PDE11A: variants seen among roughly 807,000 people sequenced by gnomAD.
PDE11A encodes the protein phosphodiesterase 11A, also known as dual 3',5'-cyclic-AMP and -GMP phosphodiesterase 11A.
Under a neutral mutation model 100.5 loss-of-function variants are expected in PDE11A, and 100 were observed. The observed-to-expected ratio is 1.00, with a 90% CI of 0.85 to 1.18. The LOEUF is 1.18. Among genes scored for constraint, PDE11A ranks in the 50% most tolerant of loss-of-function variants. PDE11A has a pLI of 0.00. For missense variants in PDE11A, 1,141 were observed against 1,152.6 expected (o/e 0.99, Z 0.15); for synonymous variants, 381 against 420.8 (o/e 0.91, Z 1.16).
chr2:177,964,467 T>C (rs2085673720), intron 2 of PDE11A, among the ~76,000 whole-genome samples: 2 of 152,130 alleles, frequency 1.3e-5, no homozygotes, highest in African/African-American at 2.4e-5. Context: ...GGGTTTGTTG[T>C]ACCGGTTATT....
chr2:178,054,519 G>C (rs1373969100), intron 1 of PDE11A, among the ~76,000 whole-genome samples: 2 of 152,160 alleles, frequency 1.3e-5, no homozygotes, highest in African/African-American at 4.8e-5. Context: ...AAACTAAAGA[G>C]CTTCTGCACA....
chr2:178,002,647 A>G (rs1032619965), intron 2 of PDE11A, among the ~76,000 whole-genome samples: 6 of 152,184 alleles, frequency 3.9e-5, no homozygotes, highest in African/African-American at 1.4e-4. Flanking sequence ...GCATCATGCT[A>G]GTGTTTATTT....
chr2:177,798,313 C>T (rs2082733867), intron 9 of PDE11A, among the ~76,000 whole-genome samples: 1 of 152,208 alleles, frequency 6.6e-6, no homozygotes, highest in African/African-American at 2.4e-5. Flanking sequence ...AGTAATCATA[C>T]TTTCATTTAT....
intron 1 of PDE11A, among the ~76,000 whole-genome samples, chr2:178,066,965 T>C (rs2087054941): frequency 6.6e-6 from 1 of 152,066 alleles, no homozygotes. Context: ...CCACAGATTA[T>C]GTAGCTGGCC....
chr2:177,749,834 A>G (rs2082003105), intron 10 of PDE11A, among the ~76,000 whole-genome samples: 1 of 152,208 alleles, frequency 6.6e-6, no homozygotes, highest in Non-Finnish European at 1.5e-5. Flanking sequence ...TCATGGTTAT[A>G]TATTACCAAC....
chr2:177,673,987 C>T (rs1248540385), intron 17 of PDE11A, among the ~76,000 whole-genome samples: 8 of 152,124 alleles, frequency 5.3e-5, no homozygotes, highest in Admixed American at 2.0e-4. Flanking sequence ...TGCCCATGTT[C>T]GTGAGCAATT....
At chr2:178,093,658 A>G (rs1279745636) in intron 2 of PDE11A, among the ~76,000 whole-genome samples, 1 of 152,234 alleles carries the variant, frequency 6.6e-6, no homozygotes, top group African/African-American at 2.4e-5. Flanking sequence ...GACCAGAGTG[A>G]AATGACACCT....
At position 177,624,587 on chromosome 2, in the gene PDE11A, A is replaced by G. The variant is rs1051442242; in HGVS notation, c.*4820T>C. Reference sequence around the variant, plus strand: ...ATTACACTAACACAAAATGTTAAAGATGATTTCTAACCCAATGTATTTGCA... The same window carrying G: ...ATTACACTAACACAAAATGTTAAAGGTGATTTCTAACCCAATGTATTTGCA... On this transcript the variant is annotated 3_prime_UTR_variant, in exon 20 of 20. Coordinates refer to ENST00000286063, the MANE Select transcript of PDE11A (RefSeq NM_016953.4). The G allele has an allele frequency of 4.6e-5, 7 of 152,228 alleles. No homozygotes were observed. Among genetic ancestry groups the G allele is most frequent in the Non-Finnish European group, 8.8e-5 (6 of 68,040 alleles). 9.4% of individuals were successfully genotyped at this position (152,228 alleles called of 1,614,324 possible). A position where few individuals can be genotyped will look rare whatever the true frequency, so the allele number is the denominator to read the frequency against.
intron 2 of PDE11A, among the ~76,000 whole-genome samples, chr2:178,006,878 C>A (rs553309261): frequency 2.0e-5 from 3 of 152,114 alleles, no homozygotes; most frequent in Admixed American, 1.3e-4. Context: ...TCCAAACATA[C>A]CTGTTTCTCT....
intron 15 of PDE11A, among the ~76,000 whole-genome samples, chr2:177,689,948 CT>C (rs1372115631): frequency 1.3e-5 from 2 of 152,188 alleles, no homozygotes; most frequent in African/African-American, 2.4e-5. Context: ...CAGCCCTTCG[CT>C]GCTAGATGTT....
intron 9 of PDE11A, among the ~76,000 whole-genome samples, chr2:177,813,345 G>T (rs2082980499): frequency 6.6e-6 from 1 of 152,066 alleles, no homozygotes; most frequent in Admixed American, 6.6e-5. Flanking sequence ...TTTCTCCCAG[G>T]TAAGACAAGA....
At chr2:178,070,422 G>T (rs886711876) in intron 1 of PDE11A, among the ~76,000 whole-genome samples, 2 of 151,968 alleles carry the variant, frequency 1.3e-5, no homozygotes, top group Non-Finnish European at 2.9e-5. Context: ...CACTCTTTTT[G>T]CTATTCTCAG....
chr2:177,625,673 T>A lies in PDE11A; in HGVS notation c.*3734A>T, dbSNP rs1360063920. ...TACAAGAAGGCTCATATTTCAAATG[T>A]CTTTCTCCAATAGGAAATAAACATT... On this transcript the variant is annotated 3_prime_UTR_variant, in exon 20 of 20. Transcript: ENST00000286063. 1 of 152,242 alleles carries A rather than the reference T, an allele frequency of 6.6e-6. No individual in the cohort carries two copies. The highest frequency in any genetic ancestry group is 1.5e-5 in the Non-Finnish European group (1 of 68,044). The allele number at this position is 152,242 out of a possible 1,614,324, so 9.4% of individuals were successfully genotyped here.
chr2:177,880,336 G>A (rs188484132), intron 4 of PDE11A, among the ~76,000 whole-genome samples: 9 of 152,188 alleles, frequency 5.9e-5, no homozygotes, highest in Non-Finnish European at 8.8e-5. Flanking sequence ...GAGGTCAGCC[G>A]CATGGGCAGG....
intron 2 of PDE11A, among the ~76,000 whole-genome samples, chr2:178,079,346 G>C (rs1167475642): frequency 6.6e-6 from 1 of 151,510 alleles, no homozygotes; most frequent in African/African-American, 2.4e-5. Flanking sequence ...CCATGTCCAT[G>C]TGTTCTCATT....
chr2:177,828,541 A>G (rs2083261929), intron 6 of PDE11A, among the ~76,000 whole-genome samples: 1 of 152,214 alleles, frequency 6.6e-6, no homozygotes, highest in Admixed American at 6.5e-5. Flanking sequence ...GAAAAAACAG[A>G]TAAGAGGGGT....
At chr2:177,756,262 C>T (rs964394060) in intron 10 of PDE11A, among the ~76,000 whole-genome samples, 1 of 152,186 alleles carries the variant, frequency 6.6e-6, no homozygotes, top group African/African-American at 2.4e-5. Flanking sequence ...CCCTCACACA[C>T]AACTCCTCAG....
At chr2:177,983,408 T>C (rs1485491888) in intron 2 of PDE11A, among the ~76,000 whole-genome samples, 4 of 152,176 alleles carry the variant, frequency 2.6e-5, no homozygotes, top group Non-Finnish European at 4.4e-5. Context: ...AGCAATGGGC[T>C]ACTGATGCAC....
chr2:177,819,784 G>A lies in PDE11A; in HGVS notation c.1576+436C>T, dbSNP rs182245793. 2.6e-5 allele frequency among the ~76,000 whole-genome samples: 4 copies of A among 152,000 alleles called. No homozygotes were observed. The East Asian group carries it at 7.7e-4, about 29-fold the overall frequency. Reference sequence around the variant, plus strand: ...CATAGTAAGAAAGTCTGCACTAGGAGTTAGGAAGCCTGAATTTTGTTCCTG... The same window carrying A: ...CATAGTAAGAAAGTCTGCACTAGGAATTAGGAAGCCTGAATTTTGTTCCTG... On this transcript the variant is annotated intron_variant, in intron 7 of 19. Transcript: ENST00000286063.
Sources: allele counts gnomAD v4.1 joint callset (sites outside exome capture counted in the v4.1 genomes callset), GRCh38; gene constraint gnomAD v4.1.1; transcripts MANE v1.5; gene names NCBI Gene and HGNC (gene_info 2026-07-23, HGNC 2026-07-21).